Variants in DOCK7 observed in about 807,000 individuals in gnomAD.
The protein encoded by DOCK7 is dedicator of cytokinesis protein 7.
Under a neutral mutation model 271.0 loss-of-function variants are expected in DOCK7, and 138 were observed. The ratio of observed to expected loss-of-function variants is 0.51; its 90% CI spans 0.44 to 0.59. DOCK7 has a LOEUF of 0.59. DOCK7 is among the 20% of genes least tolerant of loss of function. The pLI, the probability that DOCK7 is intolerant of heterozygous loss-of-function variation, is 0.00. For missense variants in DOCK7, 2,066 were observed against 2,592.4 expected (o/e 0.80, Z 4.41); for synonymous variants, 823 against 876.1 (o/e 0.94, Z 1.07).
intron 37 of DOCK7, 136 bp from the exon 38 acceptor site, chr1:62,496,633 C>T (rs1230030108): frequency 3.9e-6 from 3 of 762,966 alleles, no homozygotes; most frequent in Admixed American, 3.5e-5. Context: ...ATAAAATATG[C>T]ATATCAAAAT....
intron 31 of DOCK7, among the ~76,000 whole-genome samples, chr1:62,527,730 G>A (rs1366094922): frequency 7.2e-6 from 1 of 139,034 alleles, no homozygotes; most frequent in African/African-American, 2.6e-5. Flanking sequence ...GCCTGTTGTG[G>A]GGTGGGGGGA....
chr1:62,598,564 G>A, intron 14 of DOCK7: 1 of 658,492 alleles, frequency 1.5e-6, no homozygotes. Context: ...AGCATACAAG[G>A]GGAAGGAATT....
At chr1:62,543,632 T>C (rs1188498486) in intron 24 of DOCK7, 24 bp downstream of exon 24, 4 of 1,542,340 alleles carry the variant, frequency 2.6e-6, no homozygotes, top group South Asian at 1.2e-5. Context: ...TCCCCCTCTA[T>C]GAATTGTCTT....
chr1:62,455,928 C>G (rs1429574568), intron 49 of DOCK7, among the ~76,000 whole-genome samples: 2 of 151,360 alleles, frequency 1.3e-5, no homozygotes, highest in African/African-American at 2.5e-5. Flanking sequence ...GAAATTAAAA[C>G]TAAGAACATC....
intron 35 of DOCK7, among the ~76,000 whole-genome samples, chr1:62,507,079 G>T (rs1646963029): frequency 1.3e-5 from 2 of 151,916 alleles, no homozygotes; most frequent in South Asian, 4.2e-4. Context: ...AAATTGCTGG[G>T]ATTACAGGCA....
At chr1:62,585,700 G>A (rs1647417481) in intron 15 of DOCK7, among the ~76,000 whole-genome samples, 1 of 152,040 alleles carries the variant, frequency 6.6e-6, no homozygotes, top group African/African-American at 2.4e-5. Context: ...ACATTTTAAT[G>A]ACCTTTGGTT....
At chr1:62,546,976 G>C (rs1010717583) in intron 22 of DOCK7, among the ~76,000 whole-genome samples, 1 of 151,994 alleles carries the variant, frequency 6.6e-6, no homozygotes, top group African/African-American at 2.4e-5. Context: ...ATGAGCATTT[G>C]ATTTTTGCAA....
chr1:62,464,905 GAGAAAAATTT>G (rs1196477250), intron 48 of DOCK7, among the ~76,000 whole-genome samples: 1 of 152,090 alleles, frequency 6.6e-6, no homozygotes, highest in East Asian at 1.9e-4. Flanking sequence ...TTGTGTAGTT[GAGAAAAATTT>G]TAAAAAGAAA....
chr1:62,477,673 C>A, intron 44 of DOCK7, 27 bp downstream of exon 44: 1 of 1,557,946 alleles, frequency 6.4e-7, no homozygotes, highest in Non-Finnish European at 8.7e-7. Flanking sequence ...CTAAAGATGA[C>A]ATTTTATGAA....
rs192987381 is a variant in DOCK7 at position 62,593,869 on chromosome 1, A to G, written c.1683-7245T>C. 9.3e-4 allele frequency among the ~76,000 whole-genome samples: 142 copies of G among 152,318 alleles called. 1 individual carries two copies. Among genetic ancestry groups the G allele is most frequent in the African/African-American group, 3.2e-3 (134 of 41,576 alleles). On this transcript the variant is annotated intron_variant, in intron 14 of 49. Coordinates refer to ENST00000635253, the MANE Select transcript of DOCK7 (RefSeq NM_001367561.1). ...AAAAAACAAACTATTGTAGTTAAAAAGGAAAAAATTAGAGATACTATGTAA... is the reference window on the plus strand; with the variant it reads ...AAAAAACAAACTATTGTAGTTAAAAGGGAAAAAATTAGAGATACTATGTAA...
chr1:62,653,115 T>C (rs572174840), intron 4 of DOCK7, among the ~76,000 whole-genome samples: 51 of 152,320 alleles, frequency 3.3e-4, no homozygotes, highest in Middle Eastern at 3.4e-3. Context: ...TTAAGAAGAT[T>C]CAGTATGAAG....
At chr1:62,625,155 G>T in intron 12 of DOCK7, 104 bp downstream of exon 12, 5 of 1,001,508 alleles carry the variant, frequency 5.0e-6, no homozygotes, top group East Asian at 2.6e-5. Flanking sequence ...TAAGTTTCTT[G>T]GAATCACCCT....
At chr1:62,600,884 ATTAAATAATGTCCCTGAT>A in intron 14 of DOCK7, 1 of 484,488 alleles carries the variant, frequency 2.1e-6, no homozygotes, top group South Asian at 3.0e-5. Context: ...TTTTTATCTT[ATTAAATAATGTCCCTGAT>A]TAAATATTTT....
chr1:62,680,725 G>T (rs1661026553), intron 1 of DOCK7, among the ~76,000 whole-genome samples: 1 of 151,620 alleles, frequency 6.6e-6, no homozygotes, highest in African/African-American at 2.4e-5. Context: ...GTGGGCAAAG[G>T]ATATGAACAG....
intron 48 of DOCK7, among the ~76,000 whole-genome samples, chr1:62,473,584 TTCTC>T (rs1181103559): frequency 5.3e-5 from 8 of 151,576 alleles, no homozygotes; most frequent in East Asian, 1.9e-4. Context: ...TTTTTTTGTT[TTCTC>T]TCTCTCTCTC....
At chr1:62,505,439 A>C (rs900683393) in intron 36 of DOCK7, among the ~76,000 whole-genome samples, 1 of 152,222 alleles carries the variant, frequency 6.6e-6, no homozygotes, top group African/African-American at 2.4e-5. Flanking sequence ...TCCACATCCA[A>C]GTTACTGTTT....
intron 7 of DOCK7, chr1:62,641,017 G>T: frequency 6.1e-6 from 1 of 164,700 alleles, no homozygotes; most frequent in Non-Finnish European, 1.3e-5. Flanking sequence ...GGCTGCCTGT[G>T]GCACCTGGAC....
rs754529550 is a variant in DOCK7 at position 62,597,842 on chromosome 1, CAAA to C, written c.1683-11221_1683-11219del. 16 of 1,604,570 alleles carry C rather than the reference CAAA, an allele frequency of 1.0e-5. No homozygotes were observed. The South Asian group carries it at 1.7e-4, about 17-fold the overall frequency. The stretch of plus-strand genomic sequence containing the variant: ...ATCTATCGCTGCAAACCAGTGAAAT[CAAA>C]GAAGAAGAAAAGGAACTGAGAAGAA... On this transcript the variant is annotated intron_variant, in intron 14 of 49. Coordinates refer to ENST00000635253, the MANE Select transcript of DOCK7 (RefSeq NM_001367561.1).
chr1:62,517,505 G>T (rs193051003), intron 31 of DOCK7, among the ~76,000 whole-genome samples: 2 of 152,266 alleles, frequency 1.3e-5, no homozygotes, highest in African/African-American at 4.8e-5. Context: ...TGAGGCAGGA[G>T]AATTGCTTGA....
Sources: gnomAD v4.1 joint callset for allele counts (sites outside exome capture counted in the v4.1 genomes callset) on GRCh38, gnomAD v4.1.1 for gene constraint, MANE v1.5 for transcripts, NCBI Gene and HGNC (gene_info 2026-07-23, HGNC 2026-07-21) for gene names.